The following DLG2 variants were observed in gnomAD, a reference collection of about 807,000 sequenced individuals.
The protein encoded by DLG2 is disks large homolog 2.
A neutral mutation model predicts 132.5 loss-of-function variants in DLG2; 45 were observed. The ratio of observed to expected loss-of-function variants is 0.34; its 90% CI spans 0.27 to 0.44. The LOEUF (loss-of-function observed/expected upper bound fraction) is 0.44, where lower values mean the gene tolerates loss of function less well. Among genes scored for constraint, DLG2 ranks in the 20% least tolerant of loss-of-function variants. The pLI, the probability that DLG2 is intolerant of heterozygous loss-of-function variation, is 1.00. For synonymous variants in DLG2, 424 were observed against 419.6 expected, an observed-to-expected ratio of 1.01 and a Z score of -0.13; for missense variants, 1,045 against 1,196.9, an observed-to-expected ratio of 0.87 and a Z score of 1.87.
chr11:85,091,820 G>A (rs921351388), intron 6 of DLG2, among the ~76,000 whole-genome samples: 2 of 151,850 alleles, frequency 1.3e-5, no homozygotes, highest in African/African-American at 4.8e-5. Flanking sequence ...TTCCATGTCT[G>A]CAGTTACTTC....
chr11:84,684,994 T>A (rs980570028), intron 6 of DLG2, among the ~76,000 whole-genome samples: 2 of 152,216 alleles, frequency 1.3e-5, no homozygotes, highest in African/African-American at 4.8e-5. Context: ...TTGCAATTTA[T>A]CTCTTTTTGA....
intron 18 of DLG2, among the ~76,000 whole-genome samples, chr11:83,657,596 T>A (rs2072959649): frequency 7.2e-6 from 1 of 139,760 alleles, no homozygotes; most frequent in Non-Finnish European, 1.5e-5. Context: ...TGCAGTGCAG[T>A]GGCGCGATCT....
At chr11:85,503,451 A>G (rs1253645513) in intron 3 of DLG2, among the ~76,000 whole-genome samples, 3 of 152,130 alleles carry the variant, frequency 2.0e-5, no homozygotes. Context: ...CAAAGTATCC[A>G]GGATGGGTGC....
At chr11:83,780,320 T>C (rs756170718) in intron 18 of DLG2, among the ~76,000 whole-genome samples, 5 of 152,206 alleles carry the variant, frequency 3.3e-5, no homozygotes, top group Non-Finnish European at 7.4e-5. Flanking sequence ...AAATGCACCG[T>C]GGTGTCCAAC....
intron 18 of DLG2, among the ~76,000 whole-genome samples, chr11:83,687,117 T>C (rs2079934179): frequency 6.6e-6 from 1 of 152,162 alleles, no homozygotes; most frequent in African/African-American, 2.4e-5. Flanking sequence ...CTAGACCAGG[T>C]ATTTCCCTAG....
intron 15 of DLG2, among the ~76,000 whole-genome samples, chr11:83,894,140 C>A (rs1486849609): frequency 2.0e-5 from 3 of 152,184 alleles, no homozygotes; most frequent in Non-Finnish European, 4.4e-5. Flanking sequence ...CTAAATTATT[C>A]TCCTTGTTGC....
intron 6 of DLG2, among the ~76,000 whole-genome samples, chr11:84,547,613 A>C (rs571946206): frequency 2.1e-4 from 32 of 152,184 alleles, no homozygotes; most frequent in African/African-American, 7.7e-4. Context: ...AACCTTCAAA[A>C]CTTAGTTGAT....
intron 15 of DLG2, among the ~76,000 whole-genome samples, chr11:83,915,050 C>A (rs758577301): frequency 4.7e-4 from 72 of 152,116 alleles, no homozygotes; most frequent in Admixed American, 7.9e-4. Context: ...GTCTGAGATG[C>A]AAGCACAACA....
At chr11:85,286,942 C>T (rs963501554) in intron 3 of DLG2, among the ~76,000 whole-genome samples, 9 of 151,980 alleles carry the variant, frequency 5.9e-5, no homozygotes, top group Non-Finnish European at 1.3e-4. Context: ...CAAAGAAACA[C>T]AAGAACCACA....
intron 18 of DLG2, among the ~76,000 whole-genome samples, chr11:83,678,374 A>G (rs2078130701): frequency 6.6e-6 from 1 of 152,224 alleles, no homozygotes. Context: ...TGGGACCCAG[A>G]ACAAGAACAT....
chr11:83,985,799 A>G (rs1184628721), intron 11 of DLG2, among the ~76,000 whole-genome samples: 1 of 152,102 alleles, frequency 6.6e-6, no homozygotes, highest in East Asian at 1.9e-4. Context: ...GCTATTGGGA[A>G]TAGTGTTGCA....
intron 5 of DLG2, among the ~76,000 whole-genome samples, chr11:85,115,415 A>G (rs1055185419): frequency 1.3e-5 from 2 of 151,998 alleles, no homozygotes; most frequent in Non-Finnish European, 2.9e-5. Flanking sequence ...GGATATATCA[A>G]GAGTCAGTAT....
intron 5 of DLG2, among the ~76,000 whole-genome samples, chr11:85,113,640 T>G (rs1240155796): frequency 6.6e-6 from 1 of 152,058 alleles, no homozygotes; most frequent in Non-Finnish European, 1.5e-5. Context: ...GTTAGAACCT[T>G]GGATTTTAGT....
At chr11:84,508,675 C>G (rs956487545) in intron 7 of DLG2, among the ~76,000 whole-genome samples, 1 of 152,184 alleles carries the variant, frequency 6.6e-6, no homozygotes, top group Non-Finnish European at 1.5e-5. Flanking sequence ...GCTGGGATTA[C>G]AAGCATGAGA....
At chr11:84,693,871 T>C (rs190710069) in intron 6 of DLG2, among the ~76,000 whole-genome samples, 1 of 151,836 alleles carries the variant, frequency 6.6e-6, no homozygotes, top group Non-Finnish European at 1.5e-5. Flanking sequence ...CTATAACTCA[T>C]TCTTCAAGAT....
intron 6 of DLG2, among the ~76,000 whole-genome samples, chr11:85,029,378 A>T (rs1160951762): frequency 5.9e-5 from 9 of 152,216 alleles, no homozygotes; most frequent in African/African-American, 1.9e-4. Context: ...ATGTGTCCAC[A>T]TGTCTTCACT....
intron 4 of DLG2, among the ~76,000 whole-genome samples, chr11:85,218,303 T>C (rs1286118107): frequency 1.3e-5 from 2 of 152,160 alleles, no homozygotes; most frequent in African/African-American, 2.4e-5. Context: ...ATTAAACAAA[T>C]CCAGAATTTG....
intron 6 of DLG2, among the ~76,000 whole-genome samples, chr11:84,715,117 CT>C (rs1352977118): frequency 6.6e-6 from 1 of 152,064 alleles, no homozygotes; most frequent in Non-Finnish European, 1.5e-5. Flanking sequence ...TTTTCAAAAA[CT>C]TTCCCCTATC....
intron 4 of DLG2, among the ~76,000 whole-genome samples, chr11:85,269,431 C>A (rs1037200239): frequency 1.3e-5 from 2 of 152,206 alleles, no homozygotes; most frequent in African/African-American, 4.8e-5. Context: ...AACAAGATTT[C>A]TCAGACTTCT....
Sources: allele counts gnomAD v4.1 joint callset (sites outside exome capture counted in the v4.1 genomes callset), GRCh38; gene constraint gnomAD v4.1.1; transcripts MANE v1.5; gene names NCBI Gene and HGNC (gene_info 2026-07-23, HGNC 2026-07-21).